HHLA1: variants seen among roughly 807,000 people sequenced by gnomAD.
The protein encoded by HHLA1 is HHLA1 neighbor of OC90, also known as HERV-H LTR-associating protein 1.
Under a neutral mutation model 69.9 loss-of-function variants are expected in HHLA1, and 72 were observed. The ratio of observed to expected loss-of-function variants is 1.03; its 90% CI spans 0.85 to 1.25. HHLA1 has a LOEUF of 1.25. Among genes scored for constraint, HHLA1 ranks in the 50% most tolerant of loss-of-function variants. The pLI, the probability that HHLA1 is intolerant of heterozygous loss-of-function variation, is 0.00. For missense variants in HHLA1, 685 were observed against 642.2 expected (o/e 1.07, Z -0.72); for synonymous variants, 252 against 233.2 (o/e 1.08, Z -0.73).
chr8:132,064,718 AT>A (rs1823407009), intron 16 of HHLA1, among the ~76,000 whole-genome samples: 1 of 152,212 alleles, frequency 6.6e-6, no homozygotes, highest in Non-Finnish European at 1.5e-5. Flanking sequence ...AGAGAGCTTG[AT>A]TTTAGGAGAG....
intron 5 of HHLA1, among the ~76,000 whole-genome samples, chr8:132,096,084 A>T (rs1471786460): frequency 1.3e-5 from 2 of 152,198 alleles, no homozygotes; most frequent in Admixed American, 1.3e-4. Context: ...ACAAATTATC[A>T]CAAACTTGGT....
intron 15 of HHLA1, among the ~76,000 whole-genome samples, chr8:132,068,878 TG>T (rs1202444469): frequency 6.6e-6 from 1 of 152,144 alleles, no homozygotes; most frequent in Admixed American, 6.5e-5. Flanking sequence ...GAGATGACCC[TG>T]GGAGGGAGAT....
intron 14 of HHLA1, among the ~76,000 whole-genome samples, chr8:132,074,635 A>G (rs935627572): frequency 6.6e-6 from 1 of 152,244 alleles, no homozygotes; most frequent in Non-Finnish European, 1.5e-5. Flanking sequence ...TAAGTTACTG[A>G]GAAATGCCAG....
intron 10 of HHLA1, among the ~76,000 whole-genome samples, chr8:132,082,152 A>G (rs1450761196): frequency 1.3e-5 from 2 of 152,136 alleles, no homozygotes; most frequent in Non-Finnish European, 2.9e-5. Context: ...ATTGTGGGAG[A>G]CTCAACAAAG....
intron 1 of HHLA1, among the ~76,000 whole-genome samples, chr8:132,105,969 C>A (rs1259603877): frequency 6.6e-6 from 1 of 152,186 alleles, no homozygotes; most frequent in East Asian, 1.9e-4. Context: ...GCAAAATCAC[C>A]ATGATAGTTA....
intron 5 of HHLA1, among the ~76,000 whole-genome samples, chr8:132,096,700 C>T (rs76683766): frequency 6.6e-6 from 1 of 152,112 alleles, no homozygotes; most frequent in Non-Finnish European, 1.5e-5. Context: ...ATAGGTGCAC[C>T]TATTAAAAGG....
intron 3 of HHLA1, among the ~76,000 whole-genome samples, chr8:132,101,735 G>C (rs1824114613): frequency 6.6e-6 from 1 of 151,914 alleles, no homozygotes; most frequent in African/African-American, 2.4e-5. Context: ...CACCACGCCT[G>C]GCTATTATTT....
rs552006991 is a variant in HHLA1, at chr8:132,079,844, A to G, written c.799T>C (p.Ser267Pro). Residue 267 changes from serine (S) to proline (P), a missense_variant, in exon 11 of 17, where the codon TCT becomes CCT. By Grantham distance (74) the Ser-to-Pro change is moderately conservative. Transcript: ENST00000414222. ...GGAGCAGCTGTCTCTGTCCAGGGAG[A>G]GGATCTCAGAGCAGATGCCCAGGGT... Reference protein sequence around the residue: ...STPWASALRSSPWTETAAPSE... With the variant: ...STPWASALRSPPWTETAAPSE... 11 of 1,551,812 alleles carry G rather than the reference A, an allele frequency of 7.1e-6. 1 individual carries two copies. The South Asian group carries it at 1.2e-4, about 17-fold the overall frequency.
At chr8:132,064,872 T>A (rs1823408287) in intron 16 of HHLA1, among the ~76,000 whole-genome samples, 1 of 152,228 alleles carries the variant, frequency 6.6e-6, no homozygotes, top group Non-Finnish European at 1.5e-5. Context: ...CCAGCTGGTA[T>A]TCTTCAGGAC....
intron 10 of HHLA1, among the ~76,000 whole-genome samples, chr8:132,085,873 T>C (rs1427609131): frequency 6.6e-6 from 1 of 150,420 alleles, no homozygotes; most frequent in African/African-American, 2.5e-5. Context: ...TGTGGTGGAA[T>C]GTCATCAGTT....
intron 10 of HHLA1, among the ~76,000 whole-genome samples, chr8:132,084,716 C>A (rs1039074979): frequency 6.6e-6 from 1 of 150,620 alleles, no homozygotes; most frequent in Non-Finnish European, 1.5e-5. Context: ...GGAAGCTTAC[C>A]CATAGTGAAG....
chr8:132,064,190 A>T (rs569322537), intron 16 of HHLA1, among the ~76,000 whole-genome samples, 152 bp from the exon 17 acceptor site: 1 of 152,318 alleles, frequency 6.6e-6, no homozygotes, highest in East Asian at 1.9e-4. Context: ...ACTAGGGGTG[A>T]GACTCAGAAG....
intron 16 of HHLA1, among the ~76,000 whole-genome samples, 192 bp from the exon 17 acceptor site, chr8:132,064,230 C>T (rs1054484267): frequency 1.8e-4 from 27 of 152,312 alleles, no homozygotes; most frequent in Admixed American, 3.9e-4. Context: ...GACCCCATTG[C>T]TAGTTAGCAT....
At chr8:132,096,344 A>T (rs560530934) in intron 5 of HHLA1, among the ~76,000 whole-genome samples, 16 of 152,322 alleles carry the variant, frequency 1.1e-4, no homozygotes, top group African/African-American at 3.8e-4. Flanking sequence ...CCGGCACAAC[A>T]CAAATAATCC....
At chr8:132,096,503 AG>A (rs1824028769) in intron 5 of HHLA1, among the ~76,000 whole-genome samples, 1 of 151,214 alleles carries the variant, frequency 6.6e-6, no homozygotes, top group Admixed American at 6.6e-5. Flanking sequence ...TACTACACAA[AG>A]AAAGGGGATT....
rs116285724 is a variant in HHLA1, at chr8:132,108,492, T to C, written c.-22+2610A>G. 1.5e-3 allele frequency among the ~76,000 whole-genome samples: 224 copies of C among 152,348 alleles called. 1 individual carries two copies. Among genetic ancestry groups the C allele is most frequent in the African/African-American group, 5.1e-3 (213 of 41,586 alleles). ...AGTTGTCATTATTTCACTACATTTC[T>C]CATGACTATTATTGGATAATTATTT... is the stretch of plus-strand genomic sequence containing the variant. On this transcript the variant is annotated intron_variant, in intron 1 of 16. Transcript: ENST00000414222.
chr8:132,089,298 C>T (rs1157966015), intron 8 of HHLA1, among the ~76,000 whole-genome samples: 1 of 152,152 alleles, frequency 6.6e-6, no homozygotes, highest in East Asian at 1.9e-4. Flanking sequence ...GATTCTTCCT[C>T]CAACTTTGTG....
chr8:132,071,409 A>C lies in HHLA1; in HGVS notation c.1400T>G (p.Met467Arg). ...TTGCTGGAAGAATTGGCACAGCTCC[A>C]TCAGGCATGGGTTGAGCCTCTGAAT... ...LAIQRLNPCLMELCQFFQQCL... is the reference protein window; with the variant it reads ...LAIQRLNPCLRELCQFFQQCL... Residue 467 changes from methionine (M) to arginine (R), a missense_variant, in exon 15 of 17, where the codon ATG (methionine) becomes AGG (arginine). Transcript: ENST00000414222. The C allele has an allele frequency of 6.4e-7, 1 of 1,551,690 alleles. No individual in the cohort carries two copies. The highest frequency in any genetic ancestry group is 8.7e-7 in the Non-Finnish European group (1 of 1,146,952).
chr8:132,104,930 T>A (rs1824178865), intron 2 of HHLA1, among the ~76,000 whole-genome samples: 1 of 152,168 alleles, frequency 6.6e-6, no homozygotes, highest in South Asian at 2.1e-4. Flanking sequence ...GAAAGCTGTC[T>A]CATGGTCTGG....
Sources: gnomAD v4.1 joint callset for allele counts (sites outside exome capture counted in the v4.1 genomes callset) on GRCh38, gnomAD v4.1.1 for gene constraint, MANE v1.5 for transcripts, NCBI Gene and HGNC (gene_info 2026-07-23, HGNC 2026-07-21) for gene names.